NRG1: variants seen among roughly 807,000 people sequenced by gnomAD.
The protein encoded by NRG1 is pro-neuregulin-1, membrane-bound isoform.
Under a neutral mutation model 63.8 loss-of-function variants are expected in NRG1, and 18 were observed. The ratio of observed to expected loss-of-function variants is 0.28; its 90% CI spans 0.19 to 0.42. The LOEUF (loss-of-function observed/expected upper bound fraction) is 0.42. Among genes scored for constraint, NRG1 ranks in the 10% least tolerant of loss-of-function variants. The pLI is 1.00. For missense variants in NRG1, 762 were observed against 814.7 expected, an observed-to-expected ratio of 0.94 and a Z score of 0.79; for synonymous variants, 302 against 301.3, an observed-to-expected ratio of 1.00 and a Z score of -0.02.
intron 1 of NRG1, among the ~76,000 whole-genome samples, chr8:32,528,805 A>G (rs117271849): frequency 0.015 from 2,247 of 152,318 alleles, 17 homozygotes; most frequent in Middle Eastern, 0.048. Flanking sequence ...AATTCAACAC[A>G]CGACTGGTTC....
chr8:32,444,309 T>TTTTGTTTG (rs148301168), intron 1 of NRG1, among the ~76,000 whole-genome samples: 1 of 151,788 alleles, frequency 6.6e-6, no homozygotes, highest in South Asian at 2.1e-4. Context: ...TTTGGGGTGG[T>TTTTGTTTG]TTTGTTTGTT....
intron 1 of NRG1, among the ~76,000 whole-genome samples, chr8:32,436,875 A>G (rs919630025): frequency 7.1e-6 from 1 of 141,790 alleles, no homozygotes; most frequent in African/African-American, 2.6e-5. Flanking sequence ...TGGGTTTTAC[A>G]TGGTCAAGTA....
intron 1 of NRG1, among the ~76,000 whole-genome samples, chr8:32,360,737 G>A (rs1158669120): frequency 1.3e-5 from 2 of 152,168 alleles, no homozygotes; most frequent in Non-Finnish European, 2.9e-5. Context: ...TCTATTGCCT[G>A]CCTACAGCAA....
intron 1 of NRG1, among the ~76,000 whole-genome samples, chr8:32,036,571 A>C (rs1042869301): frequency 6.6e-6 from 1 of 152,148 alleles, no homozygotes. Context: ...TACCCCAGTC[A>C]GCGGTAGGTT....
At chr8:31,969,618 A>G (rs1806943544) in intron 1 of NRG1, among the ~76,000 whole-genome samples, 1 of 152,150 alleles carries the variant, frequency 6.6e-6, no homozygotes, top group Non-Finnish European at 1.5e-5. Flanking sequence ...ACAAGGCTGC[A>G]TGTGTGTCTG....
chr8:31,791,385 A>C (rs1315530423), intron 1 of NRG1, among the ~76,000 whole-genome samples: 25 of 152,142 alleles, frequency 1.6e-4, no homozygotes, highest in Admixed American at 1.6e-3. Context: ...ACTATCAGTA[A>C]TTATTCATTA....
chr8:32,373,141 GA>G (rs945737864), intron 1 of NRG1, among the ~76,000 whole-genome samples: 14 of 152,292 alleles, frequency 9.2e-5, no homozygotes, highest in East Asian at 1.9e-4. Context: ...GAAGGGCAGG[GA>G]GGGGGGAAAT....
At chr8:32,383,508 C>A (rs1587253686) in intron 1 of NRG1, among the ~76,000 whole-genome samples, 1 of 152,248 alleles carries the variant, frequency 6.6e-6, no homozygotes, top group East Asian at 1.9e-4. Context: ...ACCTGTGAAC[C>A]TAACACCCTG....
chr8:31,941,822 A>G (rs1044495234), intron 1 of NRG1, among the ~76,000 whole-genome samples: 1 of 152,156 alleles, frequency 6.6e-6, no homozygotes, highest in Non-Finnish European at 1.5e-5. Context: ...ACATAGGAAT[A>G]TACCTAAACA....
In NRG1 at chr8:31,759,131, C is replaced by T. The variant is rs140002596; in HGVS notation, c.37+119700C>T. On this transcript the variant is annotated intron_variant, in intron 1 of 10. Transcript: ENST00000519301. ...TTATAGATTTCATACATGTTCCTTA[C>T]GTATTGTGGATATGATTCTAATATG... Among the ~76,000 whole-genome samples, 1,115 of 152,086 alleles carry T rather than the reference C, an allele frequency of 7.3e-3. 49 individuals are homozygous for T. The South Asian group carries it at 0.11, about 16-fold the overall frequency.
At chr8:32,173,520 G>A (rs1840324129) in intron 1 of NRG1, among the ~76,000 whole-genome samples, 1 of 152,100 alleles carries the variant, frequency 6.6e-6, no homozygotes, top group Admixed American at 6.5e-5. Flanking sequence ...TGGGCTAAAT[G>A]CTCCAATTAA....
chr8:31,890,931 T>G (rs999207303), intron 1 of NRG1, among the ~76,000 whole-genome samples: 1 of 152,242 alleles, frequency 6.6e-6, no homozygotes, highest in Non-Finnish European at 1.5e-5. Context: ...TTTCCACAAA[T>G]GGTGCTGGAT....
At chr8:32,760,928 C>G (rs1270595942) in intron 11 of NRG1, 1 of 988,130 alleles carries the variant, frequency 1.0e-6, no homozygotes, top group Non-Finnish European at 1.2e-6. Context: ...TGCCCTCCAC[C>G]CTATAGTATC....
chr8:31,973,707 A>G (rs1807681261), intron 1 of NRG1, among the ~76,000 whole-genome samples: 1 of 152,220 alleles, frequency 6.6e-6, no homozygotes, highest in Non-Finnish European at 1.5e-5. Flanking sequence ...ATAAATCTTC[A>G]GGCCTGGAGT....
At chr8:32,621,459 A>C (rs568992315) in intron 5 of NRG1, among the ~76,000 whole-genome samples, 4 of 152,312 alleles carry the variant, frequency 2.6e-5, no homozygotes, top group Admixed American at 2.6e-4. Flanking sequence ...AGCCTTAATG[A>C]CTTCTTCTGG....
intron 1 of NRG1, among the ~76,000 whole-genome samples, chr8:31,715,993 T>G (rs1179075351): frequency 6.6e-6 from 1 of 152,198 alleles, no homozygotes; most frequent in African/African-American, 2.4e-5. Flanking sequence ...TGTCATTTAT[T>G]TTTTCCAAAG....
chr8:32,152,859 C>T (rs1229930764), intron 1 of NRG1, among the ~76,000 whole-genome samples: 1 of 152,142 alleles, frequency 6.6e-6, no homozygotes, highest in Non-Finnish European at 1.5e-5. Context: ...GATAAATATA[C>T]ACGTGCACAC....
chr8:32,353,222 A>G (rs964272245), intron 1 of NRG1, among the ~76,000 whole-genome samples: 1 of 150,624 alleles, frequency 6.6e-6, no homozygotes, highest in African/African-American at 2.4e-5. Flanking sequence ...GATAGATTCA[A>G]GTTTCAAAAT....
At chr8:32,748,151 G>A (rs60871816) in intron 7 of NRG1, among the ~76,000 whole-genome samples, 2,817 of 151,956 alleles carry the variant, frequency 0.019, 41 homozygotes, top group Non-Finnish European at 0.032. Context: ...GCAAGTTTTT[G>A]TAAGAGAAAC....
Sources: allele counts gnomAD v4.1 joint callset (sites outside exome capture counted in the v4.1 genomes callset), GRCh38; gene constraint gnomAD v4.1.1; transcripts MANE v1.5; gene names NCBI Gene and HGNC (gene_info 2026-07-23, HGNC 2026-07-21).